PROS1: variants seen among roughly 807,000 people sequenced by gnomAD.
The protein encoded by PROS1 is protein S, also known as vitamin K-dependent protein S.
A neutral mutation model predicts 75.9 loss-of-function variants in PROS1; 29 were observed. That is an observed-to-expected ratio of 0.38 (90% CI 0.28 to 0.52). PROS1 has a LOEUF of 0.52. PROS1 is among the 20% of genes least tolerant of loss of function. The pLI is 0.83. For synonymous variants in PROS1, 245 were observed against 280.6 expected, an observed-to-expected ratio of 0.87 and a Z score of 1.27; for missense variants, 680 against 810.3, an observed-to-expected ratio of 0.84 and a Z score of 1.95.
intron 1 of PROS1, among the ~76,000 whole-genome samples, chr3:93,933,963 C>T (rs1484579265): frequency 3.5e-5 from 5 of 142,478 alleles, no homozygotes; most frequent in South Asian, 4.5e-4. Flanking sequence ...GAGCTGAGAT[C>T]GTGCTGCTGC....
At chr3:93,928,431 A>G (rs1233751227) in intron 1 of PROS1, among the ~76,000 whole-genome samples, 2 of 151,328 alleles carry the variant, frequency 1.3e-5, no homozygotes, top group East Asian at 3.9e-4. Flanking sequence ...CTATTTGGGA[A>G]ACTGAGACAC....
At chr3:93,880,975 G>A (rs1215190165) in intron 12 of PROS1, among the ~76,000 whole-genome samples, 1 of 152,076 alleles carries the variant, frequency 6.6e-6, no homozygotes, top group African/African-American at 2.4e-5. Flanking sequence ...ACTAGGCATT[G>A]TATCAATTTG....
intron 12 of PROS1, among the ~76,000 whole-genome samples, chr3:93,883,431 C>A (rs1254345932): frequency 6.6e-6 from 1 of 151,352 alleles, no homozygotes; most frequent in Non-Finnish European, 1.5e-5. Flanking sequence ...AAAACCTCGT[C>A]AAAAATACAA....
intron 6 of PROS1, among the ~76,000 whole-genome samples, chr3:93,902,107 G>T (rs1046448592): frequency 6.6e-6 from 1 of 151,912 alleles, no homozygotes; most frequent in Non-Finnish European, 1.5e-5. Context: ...GAGCAACATG[G>T]TGGAACCCCA....
At chr3:93,883,105 A>G (rs1229882085) in intron 12 of PROS1, among the ~76,000 whole-genome samples, 2 of 152,140 alleles carry the variant, frequency 1.3e-5, no homozygotes, top group Non-Finnish European at 2.9e-5. Context: ...CAGGGATACA[A>G]CACCTGCCTA....
chr3:93,912,834 A>T lies in PROS1; in HGVS notation c.260-2129T>A, dbSNP rs1010469255. Among the ~76,000 whole-genome samples, 13 of 151,824 alleles carry T rather than the reference A, an allele frequency of 8.6e-5. No homozygotes were observed. In the Middle Eastern group the frequency reaches 0.014, roughly 159 times the overall value. On this transcript the variant is annotated intron_variant, in intron 3 of 14. Transcript: ENST00000394236. ...ATGGTGGAGCCTTAATGACCTAAAC[A>T]CCTCCCATTAGGCCCCACCTCCCAA...
At chr3:93,940,352 A>G (rs925980562) in intron 1 of PROS1, among the ~76,000 whole-genome samples, 1 of 152,132 alleles carries the variant, frequency 6.6e-6, no homozygotes, top group African/African-American at 2.4e-5. Flanking sequence ...TAACTCTTAC[A>G]TTGAGAGGTA....
At chr3:93,897,127 T>C (rs1708513986) in intron 8 of PROS1, among the ~76,000 whole-genome samples, 1 of 152,132 alleles carries the variant, frequency 6.6e-6, no homozygotes, top group African/African-American at 2.4e-5. Context: ...ACCTCATTCA[T>C]TCACTCATTC....
At chr3:93,913,015 C>CA (rs1291381264) in intron 3 of PROS1, among the ~76,000 whole-genome samples, 2 of 152,162 alleles carry the variant, frequency 1.3e-5, no homozygotes, top group African/African-American at 4.8e-5. Flanking sequence ...GCTGTGTCCC[C>CA]ACCGAAAAAT....
chr3:93,941,035 T>G (rs1709278958), intron 1 of PROS1, among the ~76,000 whole-genome samples: 1 of 152,172 alleles, frequency 6.6e-6, no homozygotes, highest in South Asian at 2.1e-4. Flanking sequence ...ACTATTCCAC[T>G]GCACCCCTCA....
At position 93,879,849 on chromosome 3, in the gene PROS1, C is replaced by A. The variant is rs956956496; in HGVS notation, c.1493-535G>T. ...GAATAGGAACCCTTGTTTTGTGAATCTCTTGTCATAATCCTTCACATTCTC... is the reference window on the plus strand; with the variant it reads ...GAATAGGAACCCTTGTTTTGTGAATATCTTGTCATAATCCTTCACATTCTC... On this transcript the variant is annotated intron_variant, in intron 12 of 14. Coordinates refer to ENST00000394236, the MANE Select transcript of PROS1 (RefSeq NM_000313.4). Among the ~76,000 whole-genome samples the A allele has an allele frequency of 3.3e-5, 5 of 152,164 alleles. 1 individual carries two copies. The highest frequency in any genetic ancestry group is 3.9e-4 in the East Asian group (2 of 5,192).
intron 13 of PROS1, among the ~76,000 whole-genome samples, chr3:93,878,095 G>A (rs1339862154): frequency 6.6e-6 from 1 of 152,098 alleles, no homozygotes; most frequent in Non-Finnish European, 1.5e-5. Context: ...TGCAAAGAAA[G>A]AACCACGGAG....
chr3:93,900,854 C>T lies in PROS1; in HGVS notation c.677G>A (p.Cys226Tyr), dbSNP rs1553810751. ...VCKNIPGDFE[C>Y]ECPEGYRYNL... ...ATATCTGTAGCCTTCGGGGCATTCA[C>T]ATTCAAAATCTCCTGGGATGTTCTT... is the stretch of plus-strand genomic sequence containing the variant. Residue 226 changes from cysteine (C) to tyrosine (Y), a missense_variant, in exon 7 of 15, where the codon TGT becomes TAT. Physicochemically the swap from Cys to Tyr is radical, Grantham distance 194. Transcript: ENST00000394236. 1.9e-6 allele frequency: 3 copies of T among 1,614,084 alleles called. No individual in the cohort carries two copies. The highest frequency in any genetic ancestry group is 2.5e-6 in the Non-Finnish European group (3 of 1,179,998).
At chr3:93,893,343 T>G (rs1331011614) in intron 9 of PROS1, among the ~76,000 whole-genome samples, 1 of 152,214 alleles carries the variant, frequency 6.6e-6, no homozygotes, top group African/African-American at 2.4e-5. Flanking sequence ...TTCTTGCTTA[T>G]TCTTGGAATC....
intron 1 of PROS1, among the ~76,000 whole-genome samples, chr3:93,930,880 T>C (rs963550774): frequency 1.3e-5 from 2 of 152,230 alleles, no homozygotes; most frequent in Non-Finnish European, 2.9e-5. Flanking sequence ...CATTGTTTAT[T>C]GTCTGCTGCT....
At chr3:93,876,431 A>G (rs1708187845) in intron 14 of PROS1, among the ~76,000 whole-genome samples, 1 of 151,972 alleles carries the variant, frequency 6.6e-6, no homozygotes, top group East Asian at 1.9e-4. Context: ...TACTAAAAAT[A>G]CAAAAAGATT....
chr3:93,896,848 A>G (rs544995597), intron 8 of PROS1, among the ~76,000 whole-genome samples, 157 bp from the exon 9 acceptor site: 1 of 152,316 alleles, frequency 6.6e-6, no homozygotes, highest in Admixed American at 6.5e-5. Flanking sequence ...ATAAATACAT[A>G]TCTTCCATTT....
chr3:93,935,810 GAC>G (rs922589939), intron 1 of PROS1, among the ~76,000 whole-genome samples: 1 of 151,674 alleles, frequency 6.6e-6, no homozygotes, highest in African/African-American at 2.4e-5. Context: ...AAGGCTTTAA[GAC>G]ACAGTCTAAA....
rs1024109332 is a variant in PROS1, at chr3:93,943,044, T to A, written c.77-15637A>T. Among the ~76,000 whole-genome samples the A allele has an allele frequency of 2.6e-5, 4 of 152,144 alleles. 1 individual carries two copies. Among genetic ancestry groups the A allele is most frequent in the Non-Finnish European group, 5.9e-5 (4 of 68,024 alleles). ...GTCATTTCTTCCCTTCTGTCAGACA[T>A]AATTCTTCAGTTTGGGCTTCCCACC... On this transcript the variant is annotated intron_variant, in intron 1 of 14. Coordinates refer to ENST00000394236, the MANE Select transcript of PROS1 (RefSeq NM_000313.4).
Sources: allele counts gnomAD v4.1 joint callset (sites outside exome capture counted in the v4.1 genomes callset), GRCh38; gene constraint gnomAD v4.1.1; transcripts MANE v1.5; gene names NCBI Gene and HGNC (gene_info 2026-07-23, HGNC 2026-07-21).